BIRC2: variants seen among roughly 807,000 people sequenced by gnomAD.
BIRC2 encodes baculoviral IAP repeat containing 2.
In BIRC2, 18 loss-of-function variants were observed where a neutral mutation model predicts 60.9. The observed-to-expected ratio is 0.30, with a 90% CI of 0.20 to 0.44. BIRC2 has a LOEUF of 0.44. Among genes scored for constraint, BIRC2 ranks in the 20% least tolerant of loss-of-function variants. BIRC2 has a pLI of 1.00. For missense variants in BIRC2, 701 were observed against 728.5 expected, an observed-to-expected ratio of 0.96 and a Z score of 0.43; for synonymous variants, 282 against 247.7, an observed-to-expected ratio of 1.14 and a Z score of -1.30.
At chr11:102,369,096 T>C (rs1282167418) in intron 6 of BIRC2, among the ~76,000 whole-genome samples, 1 of 152,114 alleles carries the variant, frequency 6.6e-6, no homozygotes, top group Non-Finnish European at 1.5e-5. Flanking sequence ...GTATTAAGTC[T>C]CGGCCTCTCA....
At chr11:102,359,426 C>T (rs1951459927) in intron 3 of BIRC2, among the ~76,000 whole-genome samples, 1 of 152,052 alleles carries the variant, frequency 6.6e-6, no homozygotes, top group Admixed American at 6.5e-5. Flanking sequence ...ATATATTTAT[C>T]TTAACAGTGA....
chr11:102,375,216 C>T (rs1033342584), intron 6 of BIRC2, among the ~76,000 whole-genome samples: 2 of 152,206 alleles, frequency 1.3e-5, no homozygotes, highest in Admixed American at 6.5e-5. Flanking sequence ...ATTTGTTGAG[C>T]ATGAGCACCA....
chr11:102,373,281 G>C (rs1367652519), intron 6 of BIRC2, among the ~76,000 whole-genome samples: 1 of 152,278 alleles, frequency 6.6e-6, no homozygotes, highest in South Asian at 2.1e-4. Context: ...TTTACATTTT[G>C]GCATGATTTT....
Position 102,349,852 on chromosome 11 carries a change from C to T in BIRC2, c.-3C>T. The T allele has an allele frequency of 3.8e-6, 6 of 1,596,220 alleles. No homozygotes were observed. The highest frequency in any genetic ancestry group is 1.1e-5 in the South Asian group (1 of 87,706). On this transcript the variant is annotated 5_prime_UTR_variant, in exon 2 of 9. Coordinates refer to ENST00000227758, the MANE Select transcript of BIRC2 (RefSeq NM_001166.5). ...AGCTATCAAACAGTACTGTCACCTACTCATGCACAAAACTGCCTCCCAAAG... is the reference window on the plus strand; with the variant it reads ...AGCTATCAAACAGTACTGTCACCTATTCATGCACAAAACTGCCTCCCAAAG...
chr11:102,351,521 A>G (rs767635292), intron 3 of BIRC2, among the ~76,000 whole-genome samples: 5 of 144,260 alleles, frequency 3.5e-5, no homozygotes, highest in Non-Finnish European at 4.5e-5. Flanking sequence ...AGGCTGAGAC[A>G]GGAGAATCGC....
chr11:102,348,667 T>C lies in BIRC2; in HGVS notation c.-1188T>C. 2.7e-6 allele frequency: 1 copy of C among 371,616 alleles called. No individual in the cohort carries two copies. The highest frequency in any genetic ancestry group is 5.2e-6 in the Non-Finnish European group (1 of 191,292). The allele number at this position is 371,616 out of a possible 1,614,324, so 23.0% of individuals were successfully genotyped here. A position where few individuals can be genotyped will look rare whatever the true frequency, so the allele number is the denominator to read the frequency against. ...GCAGTAATAAATCCCATTATGGAGA[T>C]CTCGAAACTTTATAAAGGGATATAG... On this transcript the variant is annotated 5_prime_UTR_variant, in exon 2 of 9. Coordinates refer to ENST00000227758, the MANE Select transcript of BIRC2 (RefSeq NM_001166.5).
At chr11:102,355,919 T>G (rs1296572080) in intron 3 of BIRC2, among the ~76,000 whole-genome samples, 1 of 152,186 alleles carries the variant, frequency 6.6e-6, no homozygotes, top group Non-Finnish European at 1.5e-5. Flanking sequence ...AGATAGTTCA[T>G]TGTTAGTACT....
At chr11:102,364,170 T>TACACACACACAC (rs1397633610) in intron 5 of BIRC2, among the ~76,000 whole-genome samples, 2 of 88,704 alleles carry the variant, frequency 2.3e-5, no homozygotes, top group African/African-American at 1.2e-4. Flanking sequence ...TATATATATA[T>TACACACACACAC]ATATACACAC....
chr11:102,363,745 G>C (rs1951511836), intron 5 of BIRC2, 29 bp downstream of exon 5: 6 of 1,578,428 alleles, frequency 3.8e-6, no homozygotes, highest in Non-Finnish European at 5.2e-6. Flanking sequence ...TAAGTATAGA[G>C]TGTAAATTTT....
At chr11:102,371,610 A>T (rs1357384521) in intron 6 of BIRC2, among the ~76,000 whole-genome samples, 3 of 147,994 alleles carry the variant, frequency 2.0e-5, no homozygotes, top group Admixed American at 2.0e-4. Flanking sequence ...TTCATCAAGG[A>T]TATTGGTCTA....
chr11:102,349,764 T>C lies in BIRC2; in HGVS notation c.-91T>C. 7.8e-7 allele frequency: 1 copy of C among 1,289,080 alleles called. No individual in the cohort carries two copies. Among genetic ancestry groups the C allele is most frequent in the Non-Finnish European group, 1.1e-6 (1 of 930,612 alleles). The allele number at this position is 1,289,080 out of a possible 1,614,324, so 79.9% of individuals were successfully genotyped here. A position where few individuals can be genotyped will look rare whatever the true frequency, so the allele number is the denominator to read the frequency against. On this transcript the variant is annotated 5_prime_UTR_variant, in exon 2 of 9. Coordinates refer to ENST00000227758, the MANE Select transcript of BIRC2 (RefSeq NM_001166.5). Reference sequence around the variant, plus strand: ...GTAGTAAATTCTACATAAGAGTCTATCATTGATTTCTTTTTGTGGTAAAAA... The same window carrying C: ...GTAGTAAATTCTACATAAGAGTCTACCATTGATTTCTTTTTGTGGTAAAAA...
intron 7 of BIRC2, 29 bp from the exon 8 acceptor site, chr11:102,377,828 G>T (rs1402103645): frequency 6.3e-7 from 1 of 1,599,540 alleles, no homozygotes; most frequent in Non-Finnish European, 8.5e-7. Flanking sequence ...ATTTAGTAGA[G>T]TAATGGTTTT....
intron 6 of BIRC2, among the ~76,000 whole-genome samples, chr11:102,372,447 A>G (rs1440628884): frequency 6.6e-6 from 1 of 152,188 alleles, no homozygotes; most frequent in Non-Finnish European, 1.5e-5. Context: ...ATTCAGGAGC[A>G]GGTTGTTCAG....
intron 6 of BIRC2, among the ~76,000 whole-genome samples, chr11:102,376,533 T>C (rs1951716269): frequency 6.6e-6 from 1 of 152,184 alleles, no homozygotes; most frequent in African/African-American, 2.4e-5. Flanking sequence ...AGAGATGTAC[T>C]TTTTAAATTT....
chr11:102,353,880 C>T (rs1951390582), intron 3 of BIRC2, among the ~76,000 whole-genome samples: 1 of 152,064 alleles, frequency 6.6e-6, no homozygotes, highest in Non-Finnish European at 1.5e-5. Flanking sequence ...CTCTCTGTTT[C>T]TGTGAGTTTG....
chr11:102,368,385 A>T lies in BIRC2; in HGVS notation c.1203A>T (p.Glu401Asp), dbSNP rs750005606. The T allele has an allele frequency of 4.3e-6, 7 of 1,613,952 alleles. No homozygotes were observed. Among genetic ancestry groups the T allele is most frequent in the Non-Finnish European group, 5.9e-6 (7 of 1,179,982 alleles). Reference sequence around the variant, plus strand: ...CACCTGTGGTTAAATCTGCCTTGGAAATGGGCTTTAATAGAGACCTGGTGA... The same window carrying T: ...CACCTGTGGTTAAATCTGCCTTGGATATGGGCTTTAATAGAGACCTGGTGA... ...MNTPVVKSAL[E>D]MGFNRDLVKQ... The change falls in exon 6 of 9, where the codon GAA becomes GAT. Residue 401 changes from glutamate (E) to aspartate (D), a missense_variant. Physicochemically the swap from Glu to Asp is conservative, Grantham distance 45 (BLOSUM62 2). Around this residue, in one of 4 missense-constraint regions of BIRC2, gnomAD observed 235 missense variants for 208.9 expected, o/e 1.12. Coordinates refer to ENST00000227758, the MANE Select transcript of BIRC2 (RefSeq NM_001166.5).
intron 3 of BIRC2, among the ~76,000 whole-genome samples, chr11:102,356,288 T>G (rs1290044): frequency 1.3e-5 from 2 of 149,716 alleles, no homozygotes; most frequent in Non-Finnish European, 1.5e-5. Context: ...CTCCACCTCC[T>G]GGGTTCAAGT....
chr11:102,362,704 A>G (rs1366945507), intron 3 of BIRC2, 192 bp from the exon 4 acceptor site: 5 of 487,270 alleles, frequency 1.0e-5, no homozygotes, highest in Admixed American at 3.4e-5. Flanking sequence ...ACCGTGATAT[A>G]TAACACACAG....
rs771348623 is a variant in BIRC2 at position 102,368,330 on chromosome 11, G to A, written c.1148G>A (p.Ser383Asn). 2.5e-6 allele frequency: 4 copies of A among 1,613,232 alleles called. No individual in the cohort carries two copies. Among genetic ancestry groups the A allele is most frequent in the African/African-American group, 2.7e-5 (2 of 74,988 alleles). The stretch of plus-strand genomic sequence containing the variant: ...GTTATTCATTTTGGACCTGGAGAAA[G>A]TTCTTCAGAAGATGCTGTCATGATG... ...PPIIHFGPGE[S>N]SSEDAVMMNT... The change falls in exon 6 of 9, where the codon AGT (serine) becomes AAT (asparagine). Residue 383 changes from serine to asparagine, a missense_variant. Around this residue, in one of 4 missense-constraint regions of BIRC2, gnomAD observed 235 missense variants for 208.9 expected, o/e 1.12. Transcript: ENST00000227758.
Sources: gnomAD v4.1 joint callset for allele counts (sites outside exome capture counted in the v4.1 genomes callset) on GRCh38, gnomAD v4.1.1 for gene constraint, gnomAD v4.1.1 regional missense constraint, MANE v1.5 for transcripts, NCBI Gene and HGNC (gene_info 2026-07-23, HGNC 2026-07-21) for gene names.